EPHA3: variants seen among roughly 807,000 people sequenced by gnomAD.
EPHA3 encodes the protein ephrin type-A receptor 3.
EPHA3 carries 42 observed loss-of-function variants against 107.1 expected under a neutral mutation model. The observed-to-expected ratio is 0.39, with a 90% CI of 0.31 to 0.51. The LOEUF (loss-of-function observed/expected upper bound fraction) is 0.51. Ranked by LOEUF, EPHA3 falls within the 20% of genes least tolerant of loss-of-function variation. EPHA3 has a pLI of 0.78. For synonymous variants in EPHA3, 461 were observed against 424.8 expected (o/e 1.09, Z -1.05); for missense variants, 1,183 against 1,211.2 (o/e 0.98, Z 0.35).
At chr3:89,384,020 A>G (rs997734243) in intron 5 of EPHA3, among the ~76,000 whole-genome samples, 8 of 151,984 alleles carry the variant, frequency 5.3e-5, no homozygotes, top group African/African-American at 1.9e-4. Flanking sequence ...ATTCAAAACC[A>G]CATGTTCATC....
intron 3 of EPHA3, among the ~76,000 whole-genome samples, chr3:89,283,423 A>C (rs1705996083): frequency 6.6e-6 from 1 of 152,140 alleles, no homozygotes; most frequent in South Asian, 2.1e-4. Flanking sequence ...TAAACTACTA[A>C]TAATATTATA....
rs138037686 is a variant in EPHA3, at chr3:89,407,713, G to A, written c.1697+342G>A. Among the ~76,000 whole-genome samples the A allele has an allele frequency of 5.1e-4, 78 of 152,060 alleles. No individual in the cohort carries two copies. In the East Asian group the frequency reaches 0.01, roughly 20 times the overall value. ...TGACACTTTCTCACCCAGAACAGGG[G>A]TAACACTGCACAGCACTAATCATTA... On this transcript the variant is annotated intron_variant, in intron 8 of 16. Transcript: ENST00000336596.
intron 5 of EPHA3, among the ~76,000 whole-genome samples, chr3:89,360,879 A>C (rs1290775700): frequency 6.6e-6 from 1 of 151,082 alleles, no homozygotes; most frequent in Non-Finnish European, 1.5e-5. Flanking sequence ...TATTATTTCC[A>C]AGGTGACTGG....
intron 1 of EPHA3, among the ~76,000 whole-genome samples, chr3:89,125,550 A>G (rs1016747524): frequency 1.3e-5 from 2 of 151,700 alleles, no homozygotes; most frequent in African/African-American, 2.4e-5. Context: ...TATCCTGGGA[A>G]ATAATTCAAT....
At position 89,156,393 on chromosome 3, in the gene EPHA3, G is replaced by A. The variant is rs146163251; in HGVS notation, c.153+29120G>A. Among the ~76,000 whole-genome samples the A allele has an allele frequency of 1.4e-3, 207 of 152,152 alleles. 2 individuals carry two copies. The highest frequency in any genetic ancestry group is 4.5e-3 in the African/African-American group (187 of 41,536). On this transcript the variant is annotated intron_variant, in intron 2 of 16. Transcript: ENST00000336596. ...TTGAAAACACATTATAAAATGAGGA[G>A]CAAGTGCTCTTATTTTTAACTGCTC...
intron 3 of EPHA3, among the ~76,000 whole-genome samples, chr3:89,211,595 T>C (rs60648607): frequency 0.042 from 6,312 of 152,090 alleles, 415 homozygotes; most frequent in African/African-American, 0.14. Flanking sequence ...TCTTTAAATC[T>C]GGACAGAACA....
chr3:89,441,558 A>G (rs1160780479), intron 13 of EPHA3, among the ~76,000 whole-genome samples: 2 of 152,230 alleles, frequency 1.3e-5, no homozygotes, highest in Admixed American at 1.3e-4. Flanking sequence ...AATATTCTAA[A>G]TGCCTAGTGT....
rs549257835 is a variant in EPHA3 at position 89,467,829 on chromosome 3, C to T, written c.2691-4635C>T. Among the ~76,000 whole-genome samples, 8 of 152,262 alleles carry T rather than the reference C, an allele frequency of 5.3e-5. No individual in the cohort carries two copies. The South Asian group carries it at 8.3e-4, about 16-fold the overall frequency. On this transcript the variant is annotated intron_variant, in intron 15 of 16. Coordinates refer to ENST00000336596, the MANE Select transcript of EPHA3 (RefSeq NM_005233.6). Reference sequence around the variant, plus strand: ...TTCCATGATTTCTTTTTAATGACTGCGGTCTGTAGCCAGTAGGTACTGATT... The same window carrying T: ...TTCCATGATTTCTTTTTAATGACTGTGGTCTGTAGCCAGTAGGTACTGATT...
chr3:89,240,714 GTCTA>G (rs960161966), intron 3 of EPHA3, among the ~76,000 whole-genome samples: 4 of 151,612 alleles, frequency 2.6e-5, no homozygotes, highest in African/African-American at 9.7e-5. Flanking sequence ...TGATTTTTTT[GTCTA>G]TCTAACTAAA....
Position 89,450,049 on chromosome 3 carries a change from C to T in EPHA3, c.2497-128C>T, listed in dbSNP as rs984241558. ...GATCAGTTGTTATCCTTTTAGGCAA[C>T]TAAAAATGAGAAGTTTTCCCACTTA... On this transcript the variant is annotated intron_variant, in intron 14 of 16. Transcript: ENST00000336596. 3 of 683,216 alleles carry T rather than the reference C, an allele frequency of 4.4e-6. No individual in the cohort carries two copies. In the African/African-American group the frequency reaches 5.5e-5, roughly 12 times the overall value. 42.3% of individuals were successfully genotyped at this position (683,216 alleles called of 1,614,324 possible). A position where few individuals can be genotyped will look rare whatever the true frequency, so the allele number is the denominator to read the frequency against.
chr3:89,212,474 A>AT (rs1390904129), intron 3 of EPHA3, among the ~76,000 whole-genome samples: 2 of 151,826 alleles, frequency 1.3e-5, no homozygotes, highest in East Asian at 1.9e-4. Context: ...ATTTTACTTG[A>AT]TTTTTTCATT....
At chr3:89,339,911 C>T (rs1427295769) in intron 3 of EPHA3, among the ~76,000 whole-genome samples, 4 of 152,122 alleles carry the variant, frequency 2.6e-5, no homozygotes, top group Non-Finnish European at 2.9e-5. Flanking sequence ...CAAGGATCAT[C>T]TTGAATCTAA....
At chr3:89,394,926 T>C (rs1708818110) in intron 5 of EPHA3, among the ~76,000 whole-genome samples, 1 of 152,142 alleles carries the variant, frequency 6.6e-6, no homozygotes, top group East Asian at 1.9e-4. Flanking sequence ...TGAACCAAGA[T>C]TGAGATTTGA....
chr3:89,345,811 C>T (rs1266692532), intron 5 of EPHA3, among the ~76,000 whole-genome samples: 2 of 130,722 alleles, frequency 1.5e-5, no homozygotes, highest in African/African-American at 5.6e-5. Context: ...ATTCCCCTTC[C>T]TGTGTCCATG....
chr3:89,387,667 T>C (rs1178875475), intron 5 of EPHA3, among the ~76,000 whole-genome samples: 2 of 149,556 alleles, frequency 1.3e-5, no homozygotes, highest in Non-Finnish European at 2.9e-5. Context: ...TCTGTGAGGA[T>C]ACTGGGAGAT....
intron 1 of EPHA3, among the ~76,000 whole-genome samples, chr3:89,112,236 T>A (rs1559736341): frequency 1.3e-5 from 2 of 152,060 alleles, no homozygotes; most frequent in Non-Finnish European, 2.9e-5. Context: ...CAGAATCAGA[T>A]CTTAGAGAGT....
intron 3 of EPHA3, among the ~76,000 whole-genome samples, chr3:89,301,462 G>A (rs567598084): frequency 6.6e-6 from 1 of 152,118 alleles, no homozygotes; most frequent in South Asian, 2.1e-4. Context: ...GACACAGGGG[G>A]TTAATAAATG....
chr3:89,207,982 A>T (rs942644133), intron 2 of EPHA3, among the ~76,000 whole-genome samples: 18 of 152,186 alleles, frequency 1.2e-4, no homozygotes, highest in Admixed American at 3.9e-4. Context: ...AGGGGATTCA[A>T]TAAGGGTTCT....
At chr3:89,292,996 A>G (rs1277655763) in intron 3 of EPHA3, among the ~76,000 whole-genome samples, 1 of 152,012 alleles carries the variant, frequency 6.6e-6, no homozygotes, top group Non-Finnish European at 1.5e-5. Flanking sequence ...TTATATCTTC[A>G]CCACCCCTTT....
Sources: gnomAD v4.1 joint callset for allele counts (sites outside exome capture counted in the v4.1 genomes callset) on GRCh38, gnomAD v4.1.1 for gene constraint, MANE v1.5 for transcripts, NCBI Gene and HGNC (gene_info 2026-07-23, HGNC 2026-07-21) for gene names.